B3GALT1: variants seen among roughly 807,000 people sequenced by gnomAD.
B3GALT1 encodes the protein UDP-Gal:betaGlcNAc beta 1,3-galactosyltransferase, polypeptide 1.
In B3GALT1, 10 loss-of-function variants were observed where a neutral mutation model predicts 23.2. That is an observed-to-expected ratio of 0.43 (90% CI 0.27 to 0.73). The LOEUF (loss-of-function observed/expected upper bound fraction) is 0.73. B3GALT1 is among the 30% of genes least tolerant of loss of function. The pLI is 0.21. For synonymous variants in B3GALT1, 156 were observed against 141.5 expected (o/e 1.10, Z -0.73); for missense variants, 299 against 405.4 (o/e 0.74, Z 2.25).
In B3GALT1 at chr2:167,871,346, A is replaced by G. The variant is rs567923448; in HGVS notation, c.*1326A>G. 6.6e-6 allele frequency: 1 copy of G among 152,376 alleles called. No homozygotes were observed. Among genetic ancestry groups the G allele is most frequent in the Non-Finnish European group, 1.5e-5 (1 of 68,042 alleles). The allele number at this position is 152,376 out of a possible 1,614,324, so 9.4% of individuals were successfully genotyped here. A position where few individuals can be genotyped will look rare whatever the true frequency, so the allele number is the denominator to read the frequency against. On this transcript the variant is annotated 3_prime_UTR_variant, in exon 5 of 5. Transcript: ENST00000392690. ...TACGTAATGCAATGTATCATGTATT[A>G]TGCTAAATGCTAAAATAATTGCATA...
At chr2:167,778,321 T>A (rs1688195595) in intron 3 of B3GALT1, among the ~76,000 whole-genome samples, 1 of 151,926 alleles carries the variant, frequency 6.6e-6, no homozygotes, top group Admixed American at 6.6e-5. Context: ...TTCCACCAAC[T>A]CCCCCATTTC....
At chr2:167,371,519 A>AT (rs1697684585) in intron 1 of B3GALT1, among the ~76,000 whole-genome samples, 1 of 152,154 alleles carries the variant, frequency 6.6e-6, no homozygotes, top group Admixed American at 6.5e-5. Flanking sequence ...TTACAAATAG[A>AT]TTTTATTAAG....
At chr2:167,323,282 C>T (rs959439703) in intron 1 of B3GALT1, among the ~76,000 whole-genome samples, 1 of 151,824 alleles carries the variant, frequency 6.6e-6, no homozygotes, top group African/African-American at 2.4e-5. Context: ...ATTGGATATA[C>T]GAAAAATTCA....
chr2:167,390,906 A>G (rs898504160), intron 1 of B3GALT1, among the ~76,000 whole-genome samples: 1 of 152,182 alleles, frequency 6.6e-6, no homozygotes, highest in Non-Finnish European at 1.5e-5. Flanking sequence ...AGAGCATCCC[A>G]TCTTTTTATT....
At chr2:167,685,612 G>T (rs926456757) in intron 3 of B3GALT1, among the ~76,000 whole-genome samples, 2 of 152,130 alleles carry the variant, frequency 1.3e-5, no homozygotes, top group African/African-American at 4.8e-5. Context: ...ATGGAAACAG[G>T]CTGAAGGTAG....
At chr2:167,471,495 T>A (rs1318176348) in intron 1 of B3GALT1, among the ~76,000 whole-genome samples, 1 of 152,154 alleles carries the variant, frequency 6.6e-6, no homozygotes, top group Non-Finnish European at 1.5e-5. Flanking sequence ...GCAGCTTCTA[T>A]CAGAAACTAA....
intron 2 of B3GALT1, among the ~76,000 whole-genome samples, chr2:167,642,648 T>A (rs1416035806): frequency 6.6e-6 from 1 of 152,176 alleles, no homozygotes; most frequent in Non-Finnish European, 1.5e-5. Flanking sequence ...ACTTCATCTC[T>A]CTATACTCAC....
intron 3 of B3GALT1, among the ~76,000 whole-genome samples, chr2:167,653,632 A>C (rs1195861897): frequency 6.6e-6 from 1 of 152,108 alleles, no homozygotes; most frequent in Non-Finnish European, 1.5e-5. Context: ...TCAGCATGAT[A>C]TTTACAGGAG....
At chr2:167,778,957 T>C (rs546875072) in intron 3 of B3GALT1, among the ~76,000 whole-genome samples, 18 of 152,332 alleles carry the variant, frequency 1.2e-4, no homozygotes, top group African/African-American at 4.1e-4. Context: ...CACCTCCCAG[T>C]GAGGTTGTAA....
chr2:167,459,543 A>T (rs1699224846), intron 1 of B3GALT1, among the ~76,000 whole-genome samples: 1 of 152,170 alleles, frequency 6.6e-6, no homozygotes, highest in Non-Finnish European at 1.5e-5. Flanking sequence ...GGAGTTACAA[A>T]CCAAAGTTAT....
In B3GALT1 at chr2:167,873,351, A is replaced by G. The variant is rs1196395463; in HGVS notation, c.*3331A>G. The G allele has an allele frequency of 6.6e-6, 1 of 152,206 alleles. No homozygotes were observed. The highest frequency in any genetic ancestry group is 1.5e-5 in the Non-Finnish European group (1 of 68,038). The allele number at this position is 152,206 out of a possible 1,614,324, so 9.4% of individuals were successfully genotyped here. A position where few individuals can be genotyped will look rare whatever the true frequency, so the allele number is the denominator to read the frequency against. ...TGTAATATTGTATTTTTAAATAACC[A>G]GAATCAACAAAGCGAAGATCACTTT... On this transcript the variant is annotated 3_prime_UTR_variant, in exon 5 of 5. Transcript: ENST00000392690.
chr2:167,727,241 C>G (rs1001144315), intron 3 of B3GALT1, among the ~76,000 whole-genome samples: 1 of 152,108 alleles, frequency 6.6e-6, no homozygotes, highest in Non-Finnish European at 1.5e-5. Context: ...TTTGTTCACA[C>G]TCTTATAGCT....
At chr2:167,418,011 A>G (rs934892952) in intron 1 of B3GALT1, among the ~76,000 whole-genome samples, 13 of 152,182 alleles carry the variant, frequency 8.5e-5, no homozygotes, top group African/African-American at 3.1e-4. Flanking sequence ...AGCTTAGAAG[A>G]GTTTCTTAGC....
At chr2:167,774,539 C>G (rs1319473205) in intron 3 of B3GALT1, among the ~76,000 whole-genome samples, 2 of 142,022 alleles carry the variant, frequency 1.4e-5, no homozygotes, top group Admixed American at 1.4e-4. Context: ...GCTCTGTCAC[C>G]CAGGCTGGAG....
At chr2:167,765,668 T>G (rs1485298323) in intron 3 of B3GALT1, among the ~76,000 whole-genome samples, 1 of 152,154 alleles carries the variant, frequency 6.6e-6, no homozygotes, top group Non-Finnish European at 1.5e-5. Flanking sequence ...GCAAATAAAT[T>G]TTCATGACAA....
chr2:167,869,463 G>A lies in B3GALT1; in HGVS notation c.424G>A (p.Val142Met), dbSNP rs758810298. The A allele has an allele frequency of 1.3e-5, 21 of 1,613,684 alleles. No individual in the cohort carries two copies. Among genetic ancestry groups the A allele is most frequent in the Middle Eastern group, 1.6e-4 (1 of 6,062 alleles). ...QESQIFHDII[V>M]EDFIDSYHNL... is the part of the protein sequence containing the mutation. Reference sequence around the variant, plus strand: ...GAGCCAAATCTTCCATGATATCATCGTGGAGGACTTTATTGACTCCTACCA... The same window carrying A: ...GAGCCAAATCTTCCATGATATCATCATGGAGGACTTTATTGACTCCTACCA... The change falls in exon 5 of 5, where the codon GTG becomes ATG. Residue 142 changes from valine to methionine, a missense_variant. Around this residue, in one of 3 missense-constraint regions of B3GALT1, gnomAD observed 162 missense variants for 184.1 expected, o/e 0.88. Coordinates refer to ENST00000392690, the MANE Select transcript of B3GALT1 (RefSeq NM_020981.4). The surrounding 1 kb of genome is among the most constrained non-coding windows in gnomAD (Gnocchi z 6.4).
intron 1 of B3GALT1, among the ~76,000 whole-genome samples, chr2:167,303,644 TACACAC>T (rs61323885): frequency 0.051 from 7,336 of 144,938 alleles, 370 homozygotes; most frequent in African/African-American, 0.14. Flanking sequence ...AACACACACA[TACACAC>T]ACACACACAC....
chr2:167,751,345 A>G (rs957783364), intron 3 of B3GALT1, among the ~76,000 whole-genome samples: 1 of 152,224 alleles, frequency 6.6e-6, no homozygotes, highest in Admixed American at 6.5e-5. Flanking sequence ...GGCAACAAGT[A>G]CTTGAGTAAA....
chr2:167,422,863 C>T (rs1040147359), intron 1 of B3GALT1, among the ~76,000 whole-genome samples: 2 of 152,008 alleles, frequency 1.3e-5, no homozygotes, highest in African/African-American at 4.8e-5. Context: ...GCCAAGAGTC[C>T]TGGGGTAGAT....
Sources: gnomAD v4.1 joint callset for allele counts (sites outside exome capture counted in the v4.1 genomes callset) on GRCh38, gnomAD v4.1.1 for gene constraint, gnomAD v4.1.1 regional missense constraint, Gnocchi (gnomAD v3.1) non-coding constraint, MANE v1.5 for transcripts, NCBI Gene and HGNC (gene_info 2026-07-23, HGNC 2026-07-21) for gene names.